Variants in AUNIP observed in about 807,000 individuals in gnomAD.
AUNIP encodes the protein aurora kinase A- and ninein-interacting protein.
Under a neutral mutation model 12.2 loss-of-function variants are expected in AUNIP, and 16 were observed. The observed-to-expected ratio is 1.31, with a 90% CI of 0.88 to 1.99. The LOEUF (loss-of-function observed/expected upper bound fraction) is 1.99. Ranked by LOEUF, AUNIP falls within the 30% of genes most tolerant of loss-of-function variation. The pLI, the probability that AUNIP is intolerant of heterozygous loss-of-function variation, is 0.00. For synonymous variants in AUNIP, 142 were observed against 154.8 expected, an observed-to-expected ratio of 0.92 and a Z score of 0.61; for missense variants, 411 against 419.1, an observed-to-expected ratio of 0.98 and a Z score of 0.17.
chr1:25,851,349 T>A (rs1197264059), intron 1 of AUNIP, among the ~76,000 whole-genome samples: 1 of 152,204 alleles, frequency 6.6e-6, no homozygotes, highest in Non-Finnish European at 1.5e-5. Flanking sequence ...GATATCTTGG[T>A]CTAGTTTTAG....
At chr1:25,832,055 A>G, downstream of AUNIP, 2 of 1,613,982 alleles carry the variant, frequency 1.2e-6, no homozygotes, top group Non-Finnish European at 1.7e-6. Flanking sequence ...ACTCAGTCTC[A>G]TGCTCCTGGA....
Position 25,837,308 on chromosome 1 carries a change from C to A in AUNIP, c.220+105G>T. 2.2e-6 allele frequency: 3 copies of A among 1,358,796 alleles called. No individual in the cohort carries two copies. The South Asian group carries it at 4.6e-5, about 21-fold the overall frequency. 84.2% of individuals were successfully genotyped at this position (1,358,796 alleles called of 1,614,324 possible). ...CTCTTCTAACAGGCTAAGTTTAACA[C>A]AATGCACTGGTTTCACCATTTCTCA... On this transcript the variant is annotated intron_variant, in intron 2 of 2. Transcript: ENST00000374298.
At chr1:25,840,858 G>C (rs1169864697) in intron 1 of AUNIP, among the ~76,000 whole-genome samples, 1 of 152,144 alleles carries the variant, frequency 6.6e-6, no homozygotes, top group Non-Finnish European at 1.5e-5. Context: ...ACAAATATTT[G>C]AGTACCTATA....
chr1:25,851,844 C>A (rs1010867645), intron 1 of AUNIP, among the ~76,000 whole-genome samples: 1 of 152,184 alleles, frequency 6.6e-6, no homozygotes, highest in Non-Finnish European at 1.5e-5. Flanking sequence ...AAGTGATTCT[C>A]CTGCCTCAGC....
chr1:25,832,107 C>G (rs1163083645), downstream of AUNIP: 4 of 1,608,188 alleles, frequency 2.5e-6, no homozygotes, highest in Non-Finnish European at 3.4e-6. Flanking sequence ...ATGTTTCTGC[C>G]TCTTAAGGAT....
chr1:25,833,374 C>T (rs1255071214), downstream of AUNIP, among the ~76,000 whole-genome samples: 1 of 152,056 alleles, frequency 6.6e-6, no homozygotes, highest in African/African-American at 2.4e-5. Context: ...CCTCAGCCTC[C>T]CAGAGCGTTG....
In AUNIP at chr1:25,834,615, CAA is replaced by C. The variant is rs139695812; in HGVS notation, c.*376_*377del. 439,539 of 873,382 alleles carry C rather than the reference CAA, an allele frequency of 0.5. 30,657 individuals carry two copies. Among genetic ancestry groups the C allele is most frequent in the Admixed American group, 0.74 (9,055 of 12,268 alleles). 54.1% of individuals were successfully genotyped at this position (873,382 alleles called of 1,614,324 possible). On this transcript the variant is annotated 3_prime_UTR_variant, in exon 3 of 3. Coordinates refer to ENST00000374298, the MANE Select transcript of AUNIP (RefSeq NM_024037.3). ...CTGGCAACAGAGCGAGACTCCATCTCAAAAAAAAAAAAAAAAAAACACATCCA... is the reference window on the plus strand; with the variant it reads ...CTGGCAACAGAGCGAGACTCCATCTCAAAAAAAAAAAAAAAAACACATCCA...
intron 1 of AUNIP, among the ~76,000 whole-genome samples, chr1:25,838,379 T>C (rs941110342): frequency 6.6e-6 from 1 of 152,154 alleles, no homozygotes; most frequent in African/African-American, 2.4e-5. Context: ...GGCAAGCGCC[T>C]GTAGCCCCAG....
chr1:25,848,527 C>G (rs190864650), intron 1 of AUNIP, among the ~76,000 whole-genome samples: 2 of 150,694 alleles, frequency 1.3e-5, no homozygotes, highest in African/African-American at 4.9e-5. Flanking sequence ...CAAGGAGAGG[C>G]CTGGCAGCTC....
chr1:25,859,369 A>G lies in AUNIP; in HGVS notation c.-12T>C, dbSNP rs1211059942. The G allele has an allele frequency of 6.6e-7, 1 of 1,511,120 alleles. No individual in the cohort carries two copies. The highest frequency in any genetic ancestry group is 2.2e-5 in the Admixed American group (1 of 44,900). The allele number at this position is 1,511,120 out of a possible 1,614,324, so 93.6% of individuals were successfully genotyped here. ...CCTGTCCGCCTCATGGCCGCTGAGG[A>G]GACGAAGCCGGCAGGACGCCGGCGC... On this transcript the variant is annotated 5_prime_UTR_variant, in exon 1 of 3. Coordinates refer to ENST00000374298, the MANE Select transcript of AUNIP (RefSeq NM_024037.3).
intron 1 of AUNIP, among the ~76,000 whole-genome samples, chr1:25,843,179 AAAAAAAAT>A (rs938803787): frequency 6.4e-5 from 7 of 108,614 alleles, no homozygotes; most frequent in Non-Finnish European, 1.5e-4. Context: ...TCTCAAAAAA[AAAAAAAAT>A]ATATATATAT....
chr1:25,857,724 G>T (rs1364571161), intron 1 of AUNIP, among the ~76,000 whole-genome samples: 2 of 150,306 alleles, frequency 1.3e-5, no homozygotes, highest in African/African-American at 4.8e-5. Context: ...TCAGCCGAGC[G>T]TAGTGGCGGG....
At chr1:25,850,064 C>A (rs941551914) in intron 1 of AUNIP, among the ~76,000 whole-genome samples, 2 of 151,402 alleles carry the variant, frequency 1.3e-5, no homozygotes, top group Non-Finnish European at 2.9e-5. Context: ...TGCAGACATA[C>A]GTTTTCCTAT....
intron 1 of AUNIP, among the ~76,000 whole-genome samples, chr1:25,851,889 C>T (rs1412866991): frequency 1.3e-5 from 2 of 152,064 alleles, no homozygotes; most frequent in Non-Finnish European, 1.5e-5. Context: ...CACACACCAA[C>T]ATAACTGGCT....
At chr1:25,837,353 A>T in intron 2 of AUNIP, 60 bp downstream of exon 2, 1 of 1,549,444 alleles carries the variant, frequency 6.5e-7, no homozygotes, top group Non-Finnish European at 8.8e-7. Context: ...TAACATGGAC[A>T]AATGAACACA....
chr1:25,835,774 T>G lies in AUNIP; in HGVS notation c.293A>C (p.Lys98Thr). The G allele has an allele frequency of 6.2e-7, 1 of 1,614,250 alleles. No individual in the cohort carries two copies. Among genetic ancestry groups the G allele is most frequent in the Non-Finnish European group, 8.5e-7 (1 of 1,180,048 alleles). ...TESQINKESK[K>T]NATQLDHLIP... Reference sequence around the variant, plus strand: ...CAAATGGTCTAGCTGGGTCGCATTTTTCTTGGACTCTTTGTTGATCTGACT... The same window carrying G: ...CAAATGGTCTAGCTGGGTCGCATTTGTCTTGGACTCTTTGTTGATCTGACT... The change falls in exon 3 of 3, where the codon AAA (lysine) becomes ACA (threonine). Residue 98 changes from lysine to threonine, a missense_variant. Physicochemically the swap from Lys to Thr is moderately conservative, Grantham distance 78. Transcript: ENST00000374298.
intron 1 of AUNIP, 106 bp downstream of exon 1, chr1:25,859,174 C>T: frequency 1.7e-6 from 2 of 1,206,454 alleles, no homozygotes; most frequent in Non-Finnish European, 2.3e-6. Flanking sequence ...CCTTCTCTGT[C>T]CCCGACTTCG....
intron 1 of AUNIP, among the ~76,000 whole-genome samples, chr1:25,853,934 G>A (rs971066537): frequency 2.6e-5 from 4 of 152,120 alleles, no homozygotes; most frequent in Non-Finnish European, 4.4e-5. Context: ...AGCAAGTTAC[G>A]GCCCGGCGCA....
In AUNIP at chr1:25,835,812, T is replaced by C. The variant is rs576640245; in HGVS notation, c.255A>G (p.Ser85=). The stretch of plus-strand genomic sequence containing the variant: ...TGTTGATCTGACTTTCTGTATGAGA[T>C]GAAACACTCTTCTGGTCACTGCCAT... ...KTNGSDQKSV[S]SHTESQINKE... The change falls in exon 3 of 3, where the codon TCA becomes TCG. Residue 85 remains serine (S), a synonymous_variant. Transcript: ENST00000374298. The C allele has an allele frequency of 9.9e-6, 16 of 1,614,090 alleles. No individual in the cohort carries two copies. The highest frequency in any genetic ancestry group is 3.3e-5 in the Admixed American group (2 of 60,012).
Sources: gnomAD v4.1 joint callset for allele counts (sites outside exome capture counted in the v4.1 genomes callset) on GRCh38, gnomAD v4.1.1 for gene constraint, MANE v1.5 for transcripts, NCBI Gene and HGNC (gene_info 2026-07-23, HGNC 2026-07-21) for gene names.